GPR162: variants seen among roughly 807,000 people sequenced by gnomAD.
GPR162 encodes G protein-coupled receptor 162.
In GPR162, 26 loss-of-function variants were observed where a neutral mutation model predicts 44.9. That is an observed-to-expected ratio of 0.58 (90% CI 0.42 to 0.80). GPR162 has a LOEUF of 0.80. Ranked by LOEUF, GPR162 falls within the 30% of genes least tolerant of loss-of-function variation. GPR162 has a pLI of 0.00. For synonymous variants in GPR162, 363 were observed against 335.2 expected (o/e 1.08, Z -0.91); for missense variants, 704 against 802.3 (o/e 0.88, Z 1.48).
At position 6,823,551 on chromosome 12, in the gene GPR162, G is replaced by A. The variant is rs1943309962; in HGVS notation, c.-348G>A. The A allele has an allele frequency of 5.7e-6, 3 of 526,248 alleles. No homozygotes were observed. Among genetic ancestry groups the A allele is most frequent in the Admixed American group, 6.9e-5 (2 of 29,166 alleles). 32.6% of individuals were successfully genotyped at this position (526,248 alleles called of 1,614,324 possible). A position where few individuals can be genotyped will look rare whatever the true frequency, so the allele number is the denominator to read the frequency against. On this transcript the variant is annotated 5_prime_UTR_variant, in exon 2 of 5. Coordinates refer to ENST00000311268, the MANE Select transcript of GPR162 (RefSeq NM_019858.2). ...CTGGTCAAGAACCAGAGGCAAAAGA[G>A]ACCTGGAAGTCCCAGCATGGGGACC...
At position 6,824,447 on chromosome 12, in the gene GPR162, C is replaced by T. The variant is rs201196560; in HGVS notation, c.549C>T (p.Phe183=). 2.3e-5 allele frequency: 37 copies of T among 1,614,206 alleles called. No individual in the cohort carries two copies. The African/African-American group carries it at 4.5e-4, about 20-fold the overall frequency. ...SKIGLGFGVC[F]SLLLLGGIVM... ...TCGGCCTCGGCTTTGGCGTTTGCTT[C>T]AGCCTCTTGCTACTTGGGGGAATTG... Residue 183 remains phenylalanine, a synonymous_variant, in exon 2 of 5, where the codon TTC becomes TTT. Transcript: ENST00000311268.
Position 6,824,687 on chromosome 12 carries a change from C to G in GPR162, c.789C>G (p.Ala263=). The G allele has an allele frequency of 6.2e-7, 1 of 1,614,022 alleles. No individual in the cohort carries two copies. Among genetic ancestry groups the G allele is most frequent in the Non-Finnish European group, 8.5e-7 (1 of 1,179,960 alleles). The stretch of plus-strand genomic sequence containing the variant: ...CCTCGCTGGATGGCTCGGAGTCTGC[C>G]AAGACATCCCTGCAGGTCACCAACT... ...RRSSLDGSES[A]KTSLQVTNLV... The change falls in exon 2 of 5, where the codon GCC becomes GCG. Residue 263 remains alanine (A), a synonymous_variant. Coordinates refer to ENST00000311268, the MANE Select transcript of GPR162 (RefSeq NM_019858.2).
chr12:6,827,359 G>C lies in GPR162; in HGVS notation c.*155G>C. ...CTCTCTCCCATCCAAGTGACCAGATGCCCTACTCAGCTTCCATCACCCCTA... is the reference window on the plus strand; with the variant it reads ...CTCTCTCCCATCCAAGTGACCAGATCCCCTACTCAGCTTCCATCACCCCTA... On this transcript the variant is annotated 3_prime_UTR_variant, in exon 5 of 5. Transcript: ENST00000311268. 1 of 622,296 alleles carries C rather than the reference G, an allele frequency of 1.6e-6. No individual in the cohort carries two copies. The highest frequency in any genetic ancestry group is 2.0e-5 in the South Asian group (1 of 50,310). 38.5% of individuals were successfully genotyped at this position (622,296 alleles called of 1,614,324 possible). A position where few individuals can be genotyped will look rare whatever the true frequency, so the allele number is the denominator to read the frequency against.
chr12:6,823,703 T>TC lies in GPR162; in HGVS notation c.-194dup, dbSNP rs782044419. The TC allele has an allele frequency of 5.8e-6, 9 of 1,553,950 alleles. No individual in the cohort carries two copies. The highest frequency in any genetic ancestry group is 3.5e-5 in the Admixed American group (2 of 57,234). On this transcript the variant is annotated 5_prime_UTR_variant, in exon 2 of 5. Transcript: ENST00000311268. Reference sequence around the variant, plus strand: ...GGATTGCCTCTGCTGACCCTCAGTCTCCTCCCCTGCCCTCTACATCTGCCC... The same window carrying TC: ...GGATTGCCTCTGCTGACCCTCAGTCTCCCTCCCCTGCCCTCTACATCTGCCC...
At chr12:6,825,274 AG>A in intron 2 of GPR162, 1 of 594,086 alleles carries the variant, frequency 1.7e-6, no homozygotes, top group Non-Finnish European at 3.0e-6. Context: ...TCCTGACCGC[AG>A]GGCTTTGTCT....
At chr12:6,825,147 G>T (rs1943337829) in intron 2 of GPR162, 1 of 531,514 alleles carries the variant, frequency 1.9e-6, no homozygotes, top group Admixed American at 3.0e-5. Context: ...CTGCCACATG[G>T]TCTCTGAGCA....
intron 2 of GPR162, chr12:6,825,216 G>C: frequency 1.8e-6 from 1 of 564,148 alleles, no homozygotes; most frequent in Admixed American, 3.1e-5. Flanking sequence ...ACTGTTCCTG[G>C]GTTCCTGTCT....
chr12:6,826,521 G>A (rs1555120106), intron 4 of GPR162, 132 bp from the exon 5 acceptor site: 9 of 1,069,232 alleles, frequency 8.4e-6, no homozygotes, highest in African/African-American at 4.7e-5. Flanking sequence ...ACCTCGTGGG[G>A]CCAGGTTTGC....
intron 2 of GPR162, 199 bp from the exon 3 acceptor site, chr12:6,825,285 T>C (rs1438955273): frequency 5.0e-6 from 3 of 597,852 alleles, no homozygotes; most frequent in Admixed American, 5.9e-5. Flanking sequence ...GGGCTTTGTC[T>C]CCAGCACTCT....
chr12:6,825,642 G>T lies in GPR162; in HGVS notation c.1026G>T (p.Val342=). Reference sequence around the variant, plus strand: ...TGCGCACAGTGTGGGAGCAATGCGTGGCCATCATGTCTGAGGAGGATGGAG... The same window carrying T: ...TGCGCACAGTGTGGGAGCAATGCGTTGCCATCATGTCTGAGGAGGATGGAG... ...ADVRTVWEQC[V]AIMSEEDGDD... Residue 342 remains valine, a synonymous_variant, in exon 3 of 5, where the codon GTG becomes GTT. Coordinates refer to ENST00000311268, the MANE Select transcript of GPR162 (RefSeq NM_019858.2). 6.3e-7 allele frequency: 1 copy of T among 1,581,004 alleles called. No individual in the cohort carries two copies. The highest frequency in any genetic ancestry group is 8.6e-7 in the Non-Finnish European group (1 of 1,163,144).
intron 2 of GPR162, chr12:6,825,194 C>G (rs1555119822): frequency 1.3e-5 from 7 of 550,212 alleles, no homozygotes; most frequent in Non-Finnish European, 2.0e-5. Flanking sequence ...CACCCCACCA[C>G]CCCATCTAGT....
chr12:6,821,933 G>C, intron 1 of GPR162, 33 bp downstream of exon 1: 1 of 152,678 alleles, frequency 6.5e-6, no homozygotes, highest in Admixed American at 6.5e-5. Flanking sequence ...CGTCCCCTGT[G>C]TTGCCTCCCT....
At chr12:6,824,862 A>G (rs1555119758) in intron 2 of GPR162, 97 bp downstream of exon 2, 2 of 926,978 alleles carry the variant, frequency 2.2e-6, no homozygotes, top group African/African-American at 3.2e-5. Context: ...CAGCTCCGTC[A>G]TCTCTCCTCC....
At position 6,823,648 on chromosome 12, in the gene GPR162, A is replaced by T; in HGVS notation, c.-251A>T. ...TGCCCCATCAATTGCAGGGATGCTT[A>T]AGGAAGGCCCCGCCCAGTATGAAAG... On this transcript the variant is annotated 5_prime_UTR_variant, in exon 2 of 5. An upstream open reading frame in the 5' UTR gains an earlier in-frame stop. Coordinates refer to ENST00000311268, the MANE Select transcript of GPR162 (RefSeq NM_019858.2). 1.0e-6 allele frequency: 1 copy of T among 967,108 alleles called. No homozygotes were observed. The highest frequency in any genetic ancestry group is 1.5e-6 in the Non-Finnish European group (1 of 648,382). The allele number at this position is 967,108 out of a possible 1,614,324, so 59.9% of individuals were successfully genotyped here. A position where few individuals can be genotyped will look rare whatever the true frequency, so the allele number is the denominator to read the frequency against.
At position 6,826,702 on chromosome 12, in the gene GPR162, C is replaced by T; in HGVS notation, c.1265C>T (p.Thr422Ile). 1 of 1,543,772 alleles carries T rather than the reference C, an allele frequency of 6.5e-7. No individual in the cohort carries two copies. The highest frequency in any genetic ancestry group is 2.3e-5 in the East Asian group (1 of 44,394). The stretch of plus-strand genomic sequence containing the variant: ...CATGATGAGACAAACATCTTCTCTA[C>T]CCCTCGGGAACCAGGCTCCTTCCTG... ...LSHDETNIFS[T>I]PREPGSFLHK... Residue 422 changes from threonine to isoleucine, a missense_variant, in exon 5 of 5, where the codon ACC (threonine) becomes ATC (isoleucine). Thr to Ile is a moderately conservative substitution (Grantham distance 89). This residue lies in a region of GPR162 where 404 missense variants were observed against 314.1 expected (regional missense o/e 1.29). Coordinates refer to ENST00000311268, the MANE Select transcript of GPR162 (RefSeq NM_019858.2).
chr12:6,827,295 G>A lies in GPR162; in HGVS notation c.*91G>A. ...AGTAGGGCAGCTGCCTCCAGACTCT[G>A]GGGAGACGGGCGCTAGATTTGGGGC... On this transcript the variant is annotated 3_prime_UTR_variant, in exon 5 of 5. Transcript: ENST00000311268. The A allele has an allele frequency of 9.3e-7, 1 of 1,071,622 alleles. No homozygotes were observed. Among genetic ancestry groups the A allele is most frequent in the Non-Finnish European group, 1.3e-6 (1 of 754,086 alleles). The allele number at this position is 1,071,622 out of a possible 1,614,324, so 66.4% of individuals were successfully genotyped here. A position where few individuals can be genotyped will look rare whatever the true frequency, so the allele number is the denominator to read the frequency against.
intron 2 of GPR162, chr12:6,825,062 TGCAGCTCCACGGTTCAGCC>T (rs1254859437): frequency 1.5e-5 from 9 of 616,930 alleles, no homozygotes; most frequent in Non-Finnish European, 2.7e-5. Flanking sequence ...TCATCCATCC[TGCAGCTCCACGGTTCAGCC>T]GCAGACCTCT....
rs781965663 is a variant in GPR162 at position 6,827,096 on chromosome 12, A to G, written c.1659A>G (p.Gly553=). The G allele has an allele frequency of 6.8e-6, 11 of 1,613,184 alleles. No homozygotes were observed. The East Asian group carries it at 2.5e-4, about 36-fold the overall frequency. Residue 553 remains glycine, a synonymous_variant, in exon 5 of 5, where the codon GGA becomes GGG. Coordinates refer to ENST00000311268, the MANE Select transcript of GPR162 (RefSeq NM_019858.2). ...PESRAVGLPL[G]LSAGRRCSLT... is the part of the protein sequence containing the mutation. ...GCAGAGCCGTTGGACTTCCTTTGGG[A>G]CTAAGCGCAGGGAGACGCTGCTCCC...
chr12:6,826,391 C>T lies in GPR162; in HGVS notation c.1215+38C>T, dbSNP rs118155623. 4,211 of 1,563,568 alleles carry T rather than the reference C, an allele frequency of 2.7e-3. 17 individuals are homozygous for T. Among genetic ancestry groups the T allele is most frequent in the Middle Eastern group, 2.9e-3 (17 of 5,892 alleles). ...GGGATACATCTCCTACCCTTGGTGC[C>T]GCTCATCACTTTTCTCCAGTGTCTG... is the stretch of plus-strand genomic sequence containing the variant. On this transcript the variant is annotated intron_variant, in intron 4 of 4. Transcript: ENST00000311268.
Sources: allele counts gnomAD v4.1 joint callset, GRCh38; gene constraint gnomAD v4.1.1; regional missense constraint gnomAD v4.1.1; transcripts MANE v1.5; gene names NCBI Gene and HGNC (gene_info 2026-07-23, HGNC 2026-07-21).